The following SLC8A1 variants were observed in gnomAD, a reference collection of about 807,000 sequenced individuals.
The protein encoded by SLC8A1 is solute carrier family 8 member A1, also known as sodium/calcium exchanger 1.
A neutral mutation model predicts 68.3 loss-of-function variants in SLC8A1; 18 were observed. The observed-to-expected ratio is 0.26, with a 90% CI of 0.18 to 0.39. The LOEUF (loss-of-function observed/expected upper bound fraction) is 0.39, where lower values mean the gene tolerates loss of function less well. SLC8A1 is among the 10% of genes least tolerant of loss of function. The probability of loss-of-function intolerance (pLI) is 1.00; values close to 1 mark genes in which losing one functional copy is unlikely to be tolerated. For missense variants in SLC8A1, 985 were observed against 1,156.7 expected (o/e 0.85, Z 2.15); for synonymous variants, 475 against 415.5 (o/e 1.14, Z -1.74).
At chr2:40,489,281 C>T (rs571632432) in intron 1 of SLC8A1, among the ~76,000 whole-genome samples, 1 of 152,132 alleles carries the variant, frequency 6.6e-6, no homozygotes, top group South Asian at 2.1e-4. Flanking sequence ...TATAATCTAC[C>T]TCAAATTTTG....
intron 1 of SLC8A1, among the ~76,000 whole-genome samples, chr2:40,484,984 A>C (rs1199942778): frequency 6.6e-6 from 1 of 152,222 alleles, no homozygotes; most frequent in African/African-American, 2.4e-5. Flanking sequence ...AATTTTTATA[A>C]AAGAAAGTGT....
At chr2:40,225,863 G>C (rs570341176) in intron 2 of SLC8A1, among the ~76,000 whole-genome samples, 6 of 152,262 alleles carry the variant, frequency 3.9e-5, no homozygotes, top group African/African-American at 1.4e-4. Context: ...GCCAGACACA[G>C]ACAAGTATGT....
At chr2:40,107,975 A>G (rs949970831) in exon 8 of SLC8A1, 15 of 152,254 alleles carry the variant, frequency 9.9e-5, no homozygotes, top group Non-Finnish European at 1.6e-4. Context: ...TTAGAAAGCC[A>G]GTGTATTAGA....
At chr2:40,302,529 T>A (rs1190815845) in intron 2 of SLC8A1, among the ~76,000 whole-genome samples, 1 of 149,276 alleles carries the variant, frequency 6.7e-6, no homozygotes, top group Non-Finnish European at 1.5e-5. Context: ...ATAACATATA[T>A]ATTTACACAC....
intron 1 of SLC8A1, among the ~76,000 whole-genome samples, chr2:40,433,258 T>C (rs774104760): frequency 6.6e-6 from 1 of 152,290 alleles, no homozygotes; most frequent in East Asian, 1.9e-4. Flanking sequence ...TGATCTGGCA[T>C]CTGAGCTCCA....
chr2:40,265,621 G>T (rs1023853646), intron 2 of SLC8A1, among the ~76,000 whole-genome samples: 2 of 152,138 alleles, frequency 1.3e-5, no homozygotes, highest in African/African-American at 4.8e-5. Flanking sequence ...CTTATCATAA[G>T]CCTGCAATTC....
At chr2:40,397,531 A>G (rs1687371058) in intron 2 of SLC8A1, among the ~76,000 whole-genome samples, 1 of 152,194 alleles carries the variant, frequency 6.6e-6, no homozygotes, top group Admixed American at 6.5e-5. Context: ...GAAACCATCT[A>G]CGCACTTGAA....
At position 40,320,852 on chromosome 2, in the gene SLC8A1, C is replaced by G. The variant is rs558210134; in HGVS notation, c.1808+107621G>C. Among the ~76,000 whole-genome samples the G allele has an allele frequency of 2.0e-5, 3 of 152,218 alleles. No individual in the cohort carries two copies. The East Asian group carries it at 5.8e-4, about 29-fold the overall frequency. On this transcript the variant is annotated intron_variant, in intron 2 of 7. Transcript: ENST00000406785. Reference sequence around the variant, plus strand: ...TGGCCGACCTCTTCTTTCCTTGTAGCCTCAGAACACTCTATCAGTCACTAC... The same window carrying G: ...TGGCCGACCTCTTCTTTCCTTGTAGGCTCAGAACACTCTATCAGTCACTAC...
At position 40,349,653 on chromosome 2, in the gene SLC8A1, G is replaced by C. The variant is rs190701024; in HGVS notation, c.1808+78820C>G. On this transcript the variant is annotated intron_variant, in intron 2 of 7. Coordinates refer to ENST00000406785, the Ensembl canonical transcript of SLC8A1. ...ATTTAGCACAGTGCCTGGCATGTAAGAAGTGTTCAGTAAGTGAGGTATTTA... is the reference window on the plus strand; with the variant it reads ...ATTTAGCACAGTGCCTGGCATGTAACAAGTGTTCAGTAAGTGAGGTATTTA... Among the ~76,000 whole-genome samples, 172 of 152,286 alleles carry C rather than the reference G, an allele frequency of 1.1e-3. 2 individuals are homozygous for C. Among genetic ancestry groups the C allele is most frequent in the African/African-American group, 4.1e-3 (170 of 41,564 alleles).
chr2:40,185,708 A>C (rs1369129886), intron 2 of SLC8A1, among the ~76,000 whole-genome samples: 1 of 152,176 alleles, frequency 6.6e-6, no homozygotes, highest in Admixed American at 6.5e-5. Flanking sequence ...GGACATATAA[A>C]AACCCAACTA....
intron 2 of SLC8A1, among the ~76,000 whole-genome samples, chr2:40,232,014 A>G (rs2059713515): frequency 1.3e-5 from 2 of 152,210 alleles, no homozygotes; most frequent in South Asian, 2.1e-4. Flanking sequence ...AATAAAATCC[A>G]ATAGAATGGG....
chr2:40,417,870 T>TACACACACACACACACACAC (rs70957174), intron 2 of SLC8A1, among the ~76,000 whole-genome samples: 1,727 of 147,184 alleles, frequency 0.012, 20 homozygotes, highest in East Asian at 0.046. Context: ...CTTGGATGGA[T>TACACACACACACACACACAC]ACACACACAC....
intron 2 of SLC8A1, among the ~76,000 whole-genome samples, chr2:40,318,879 A>C (rs751972424): frequency 2.8e-4 from 43 of 151,986 alleles, no homozygotes; most frequent in Non-Finnish European, 4.3e-4. Flanking sequence ...TTTTCCCTCA[A>C]CTTTTCAATA....
intron 7 of SLC8A1, among the ~76,000 whole-genome samples, chr2:40,119,262 C>T (rs2036235679): frequency 6.6e-6 from 1 of 151,900 alleles, no homozygotes; most frequent in Non-Finnish European, 1.5e-5. Context: ...TACTTTGTGT[C>T]TCATAGGTTT....
chr2:40,473,583 G>A (rs1704115729), intron 1 of SLC8A1, among the ~76,000 whole-genome samples: 2 of 152,170 alleles, frequency 1.3e-5, no homozygotes, highest in South Asian at 2.1e-4. Flanking sequence ...CTTCCTAGAA[G>A]TGTGTCTGGC....
At chr2:40,290,153 C>G (rs530497522) in intron 2 of SLC8A1, among the ~76,000 whole-genome samples, 1 of 151,472 alleles carries the variant, frequency 6.6e-6, no homozygotes, top group Non-Finnish European at 1.5e-5. Flanking sequence ...TCCATTAAGT[C>G]AAGGAGACCC....
Position 40,475,089 on chromosome 2 carries a change from C to A in SLC8A1, c.-25+37260G>T, listed in dbSNP as rs1410161166. Among the ~76,000 whole-genome samples, 5 of 152,112 alleles carry A rather than the reference C, an allele frequency of 3.3e-5. No individual in the cohort carries two copies. In the East Asian group the frequency reaches 5.8e-4, roughly 18 times the overall value. On this transcript the variant is annotated intron_variant, in intron 1 of 7. Transcript: ENST00000402441. ...ATCTCAATGTCTTGGAGCAGCAGTT[C>A]TCAAAACTTGTGAACTTCTTTCTGC...
chr2:40,309,067 G>GA (rs913076601), intron 2 of SLC8A1, among the ~76,000 whole-genome samples: 5 of 150,102 alleles, frequency 3.3e-5, no homozygotes, highest in Admixed American at 6.6e-5. Flanking sequence ...ATTTTGCAGT[G>GA]AAAAAAAAAG....
intron 2 of SLC8A1, among the ~76,000 whole-genome samples, chr2:40,242,216 C>T (rs1297656648): frequency 6.6e-6 from 1 of 151,900 alleles, no homozygotes; most frequent in Non-Finnish European, 1.5e-5. Context: ...GAAATGTGTC[C>T]ATTAGAATTT....
Sources: allele counts gnomAD v4.1 joint callset (sites outside exome capture counted in the v4.1 genomes callset), GRCh38; gene constraint gnomAD v4.1.1; transcripts MANE v1.5; gene names NCBI Gene and HGNC (gene_info 2026-07-23, HGNC 2026-07-21).